Variants in NCAM2 observed in about 807,000 individuals in gnomAD.
NCAM2 encodes N-CAM-2.
NCAM2 carries 30 observed loss-of-function variants against 98.1 expected under a neutral mutation model. That is an observed-to-expected ratio of 0.31 (90% CI 0.23 to 0.41). NCAM2 has a LOEUF of 0.41. Among genes scored for constraint, NCAM2 ranks in the 10% least tolerant of loss-of-function variants. NCAM2 has a pLI of 1.00. For synonymous variants in NCAM2, 368 were observed against 342.4 expected, an observed-to-expected ratio of 1.07 and a Z score of -0.83; for missense variants, 867 against 1,005.8, an observed-to-expected ratio of 0.86 and a Z score of 1.87.
chr21:21,071,064 A>G (rs2065552207), intron 1 of NCAM2, among the ~76,000 whole-genome samples: 1 of 152,186 alleles, frequency 6.6e-6, no homozygotes, highest in Non-Finnish European at 1.5e-5. Flanking sequence ...AATTTGAGCC[A>G]GCTGATTACA....
chr21:21,143,550 T>C lies in NCAM2; in HGVS notation c.56-137028T>C, dbSNP rs138201956. Among the ~76,000 whole-genome samples, 124 of 152,316 alleles carry C rather than the reference T, an allele frequency of 8.1e-4. 2 individuals carry two copies. The East Asian group carries it at 8.9e-3, about 11-fold the overall frequency. ...ACCAGATTTTCCTCTGTGTATAGTT[T>C]TATACTTTCACATTTCAGTCTGGTC... On this transcript the variant is annotated intron_variant, in intron 1 of 17. Coordinates refer to ENST00000400546, the MANE Select transcript of NCAM2 (RefSeq NM_004540.5).
At chr21:21,040,494 G>A (rs945844018) in intron 1 of NCAM2, among the ~76,000 whole-genome samples, 3 of 151,948 alleles carry the variant, frequency 2.0e-5, no homozygotes, top group African/African-American at 7.3e-5. Flanking sequence ...TAGAAATGAT[G>A]CAATATTCTA....
chr21:21,114,323 G>A (rs2066511533), intron 1 of NCAM2, among the ~76,000 whole-genome samples: 1 of 152,030 alleles, frequency 6.6e-6, no homozygotes, highest in Non-Finnish European at 1.5e-5. Context: ...TACAAAAATT[G>A]TATTCTTTAA....
chr21:21,241,812 G>A (rs976373994), intron 1 of NCAM2, among the ~76,000 whole-genome samples: 1 of 151,884 alleles, frequency 6.6e-6, no homozygotes, highest in African/African-American at 2.4e-5. Flanking sequence ...GGTTTTGATC[G>A]ATAAAATTTG....
chr21:21,106,702 A>T (rs1258193638), intron 1 of NCAM2, among the ~76,000 whole-genome samples: 4 of 151,896 alleles, frequency 2.6e-5, no homozygotes, highest in African/African-American at 9.7e-5. Context: ...GGGAAAAAGT[A>T]AAACTACACT....
At position 21,225,926 on chromosome 21, in the gene NCAM2, G is replaced by A. The variant is rs539798373; in HGVS notation, c.56-54652G>A. Reference sequence around the variant, plus strand: ...ACAGCAAAGACATGGGATCAACCTCGGTGGCTATCGATAGTGGTGGTACAT... The same window carrying A: ...ACAGCAAAGACATGGGATCAACCTCAGTGGCTATCGATAGTGGTGGTACAT... On this transcript the variant is annotated intron_variant, in intron 1 of 17. Transcript: ENST00000400546. Among the ~76,000 whole-genome samples the A allele has an allele frequency of 2.0e-5, 3 of 152,014 alleles. No individual in the cohort carries two copies. The South Asian group carries it at 6.2e-4, about 32-fold the overall frequency.
intron 1 of NCAM2, among the ~76,000 whole-genome samples, chr21:21,111,859 T>G (rs1277989659): frequency 6.6e-6 from 1 of 152,138 alleles, no homozygotes; most frequent in Non-Finnish European, 1.5e-5. Flanking sequence ...AAGGGAGAAT[T>G]TCTATCCTCT....
intron 12 of NCAM2, among the ~76,000 whole-genome samples, chr21:21,438,465 A>G (rs1228457339): frequency 1.3e-5 from 2 of 152,216 alleles, no homozygotes; most frequent in Non-Finnish European, 2.9e-5. Context: ...CTGAAGCCGT[A>G]CTAATTATCC....
At chr21:21,061,973 G>T (rs1223047884) in intron 1 of NCAM2, among the ~76,000 whole-genome samples, 2 of 152,072 alleles carry the variant, frequency 1.3e-5, no homozygotes, top group East Asian at 3.9e-4. Flanking sequence ...GGGTAGCATA[G>T]AATTGACTTT....
In NCAM2 at chr21:21,515,561, C is replaced by G. The variant is rs547539104; in HGVS notation, c.2282+6506C>G. On this transcript the variant is annotated intron_variant, in intron 16 of 17. Coordinates refer to ENST00000400546, the MANE Select transcript of NCAM2 (RefSeq NM_004540.5). The stretch of plus-strand genomic sequence containing the variant: ...AATTGCTTTCCTAACAAGATATTAT[C>G]TCTAATGTACTTTTTAAGTTTGAAA... 4.7e-5 allele frequency among the ~76,000 whole-genome samples: 7 copies of G among 150,032 alleles called. No individual in the cohort carries two copies. The East Asian group carries it at 1.2e-3, about 25-fold the overall frequency.
Position 21,298,829 on chromosome 21 carries a change from A to G in NCAM2, c.619+6588A>G, listed in dbSNP as rs1433741498. The stretch of plus-strand genomic sequence containing the variant: ...TAGAAAAGCATGTATTGATTTTTCA[A>G]CATTGTACTTTTAATCCCTGATTAA... On this transcript the variant is annotated intron_variant, in intron 5 of 17. Transcript: ENST00000400546. 1.3e-4 allele frequency among the ~76,000 whole-genome samples: 19 copies of G among 151,576 alleles called. No individual in the cohort carries two copies. The Admixed American group carries it at 1.3e-3, about 10-fold the overall frequency.
chr21:21,271,760 G>T (rs912839604), intron 1 of NCAM2, among the ~76,000 whole-genome samples: 2 of 152,122 alleles, frequency 1.3e-5, no homozygotes, highest in African/African-American at 4.8e-5. Context: ...TAATAAAAAA[G>T]TGGGGCCTTT....
intron 5 of NCAM2, among the ~76,000 whole-genome samples, chr21:21,314,366 C>T (rs1306769055): frequency 2.0e-5 from 3 of 152,062 alleles, no homozygotes; most frequent in Non-Finnish European, 4.4e-5. Context: ...AAAATTCAGT[C>T]ATGTGAATCA....
intron 9 of NCAM2, among the ~76,000 whole-genome samples, chr21:21,408,960 C>G (rs1219340836): frequency 8.4e-6 from 1 of 118,368 alleles, no homozygotes; most frequent in African/African-American, 2.7e-5. Context: ...TATAACAAAA[C>G]TGGATATTGC....
chr21:21,496,169 T>A (rs551767811), intron 15 of NCAM2, among the ~76,000 whole-genome samples: 1 of 151,830 alleles, frequency 6.6e-6, no homozygotes. Context: ...TAGTTCTGTT[T>A]TAAGTTATTT....
chr21:21,456,727 A>C (rs937299927), intron 12 of NCAM2, among the ~76,000 whole-genome samples: 1 of 152,086 alleles, frequency 6.6e-6, no homozygotes, highest in Non-Finnish European at 1.5e-5. Context: ...ATGTGATGGT[A>C]TTGGAGGTGG....
chr21:21,435,243 C>T (rs1039286371), intron 12 of NCAM2, among the ~76,000 whole-genome samples: 6 of 152,326 alleles, frequency 3.9e-5, no homozygotes, highest in African/African-American at 1.4e-4. Context: ...CAGCTGATCT[C>T]TTTCTCATTT....
chr21:21,472,967 T>TAC (rs3039039), intron 14 of NCAM2, among the ~76,000 whole-genome samples: 2,389 of 142,346 alleles, frequency 0.017, 32 homozygotes, highest in African/African-American at 0.04. Flanking sequence ...TACATATATG[T>TAC]ACACACACAC....
intron 1 of NCAM2, among the ~76,000 whole-genome samples, chr21:21,007,439 A>G (rs973151456): frequency 2.6e-4 from 39 of 152,186 alleles, no homozygotes; most frequent in African/African-American, 5.8e-4. Context: ...AAGAATGGCT[A>G]CTTCATAGGC....
Sources: allele counts gnomAD v4.1 joint callset (sites outside exome capture counted in the v4.1 genomes callset), GRCh38; gene constraint gnomAD v4.1.1; transcripts MANE v1.5; gene names NCBI Gene and HGNC (gene_info 2026-07-23, HGNC 2026-07-21).